Variants in RBMS3 observed in about 807,000 individuals in gnomAD.
RBMS3 encodes the protein RNA binding motif single stranded interacting protein 3.
A neutral mutation model predicts 66.8 loss-of-function variants in RBMS3; 27 were observed. The ratio of observed to expected loss-of-function variants is 0.40; its 90% CI spans 0.30 to 0.56. RBMS3 has a LOEUF of 0.56. Ranked by LOEUF, RBMS3 falls within the 20% of genes least tolerant of loss-of-function variation. The probability of loss-of-function intolerance (pLI) is 0.40; values close to 1 mark genes in which losing one functional copy is unlikely to be tolerated. For missense variants in RBMS3, 513 were observed against 549.5 expected, an observed-to-expected ratio of 0.93 and a Z score of 0.66; for synonymous variants, 188 against 183.0, an observed-to-expected ratio of 1.03 and a Z score of -0.22.
intron 1 of RBMS3, among the ~76,000 whole-genome samples, chr3:29,292,762 T>C (rs527936973): frequency 6.6e-6 from 1 of 151,766 alleles, no homozygotes; most frequent in African/African-American, 2.4e-5. Context: ...AAAGAGAAAA[T>C]GAACTAAAGA....
intron 1 of RBMS3, among the ~76,000 whole-genome samples, chr3:29,413,186 T>C (rs2040339845): frequency 6.6e-6 from 1 of 152,098 alleles, no homozygotes. Flanking sequence ...CTGGCCAACA[T>C]GGTGAAACCC....
intron 6 of RBMS3, among the ~76,000 whole-genome samples, chr3:29,812,148 C>T (rs140968410): frequency 8.3e-4 from 126 of 152,136 alleles, no homozygotes; most frequent in African/African-American, 2.9e-3. Flanking sequence ...GTCAGATGTC[C>T]TCCCCTCCCT....
chr3:29,797,372 T>C (rs947793582), intron 6 of RBMS3, among the ~76,000 whole-genome samples: 6 of 152,194 alleles, frequency 3.9e-5, no homozygotes, highest in African/African-American at 1.4e-4. Flanking sequence ...GTAGCCTTCA[T>C]AGAGTTGAAG....
chr3:29,789,792 T>A (rs11918844), intron 6 of RBMS3, among the ~76,000 whole-genome samples: 47,628 of 152,050 alleles, frequency 0.31, 8,272 homozygotes, highest in African/African-American at 0.46. Flanking sequence ...TTGTGCATCC[T>A]TAATTCGAAG....
chr3:29,331,571 T>C (rs2035655048), intron 1 of RBMS3, among the ~76,000 whole-genome samples: 1 of 152,160 alleles, frequency 6.6e-6, no homozygotes, highest in Non-Finnish European at 1.5e-5. Context: ...TCTCAGACCT[T>C]GCTTCCAGGA....
chr3:29,324,860 C>T lies in RBMS3; in HGVS notation c.75+43104C>T, dbSNP rs117496923. Among the ~76,000 whole-genome samples the T allele has an allele frequency of 6.6e-4, 100 of 152,082 alleles. No homozygotes were observed. The East Asian group carries it at 0.016, about 25-fold the overall frequency. On this transcript the variant is annotated intron_variant, in intron 1 of 14. Coordinates refer to ENST00000383767, the MANE Select transcript of RBMS3 (RefSeq NM_001003793.3). ...CTCTCCTTCCTCTCCTCTTCCTTTA[C>T]TCTCATTATTCCCTTTGTTTTCCTT...
intron 1 of RBMS3, among the ~76,000 whole-genome samples, chr3:29,378,390 T>C (rs2038589460): frequency 6.6e-6 from 1 of 151,332 alleles, no homozygotes; most frequent in Admixed American, 6.6e-5. Context: ...GAGAATGGCA[T>C]GAAACCCGGA....
intron 4 of RBMS3, among the ~76,000 whole-genome samples, chr3:29,669,083 G>T (rs1398513256): frequency 6.6e-6 from 1 of 152,182 alleles, no homozygotes; most frequent in Admixed American, 6.5e-5. Context: ...GGTGCCCCAC[G>T]CCCTCTGGGT....
intron 11 of RBMS3, among the ~76,000 whole-genome samples, chr3:29,937,947 T>G (rs1304674126): frequency 6.6e-6 from 1 of 151,924 alleles, no homozygotes; most frequent in Non-Finnish European, 1.5e-5. Flanking sequence ...ATAAGTGATG[T>G]AATGTAATTT....
At chr3:29,986,111 A>G (rs1203988096) in intron 12 of RBMS3, among the ~76,000 whole-genome samples, 1 of 152,210 alleles carries the variant, frequency 6.6e-6, no homozygotes, top group East Asian at 1.9e-4. Flanking sequence ...GAAATACTCA[A>G]ATAGGTAAGG....
At chr3:29,454,456 A>T (rs73828664) in intron 2 of RBMS3, among the ~76,000 whole-genome samples, 3,276 of 152,272 alleles carry the variant, frequency 0.022, 118 homozygotes, top group African/African-American at 0.075. Context: ...TCTCCCAGGG[A>T]AAGTTGAAGT....
rs1698842312 is a variant in RBMS3 at position 29,991,067 on chromosome 3, T to C, written c.1180-15T>C. The C allele has an allele frequency of 6.2e-7, 1 of 1,613,548 alleles. No homozygotes were observed. On this transcript the variant is annotated splice_polypyrimidine_tract_variant and intron_variant, in intron 13 of 14. Coordinates refer to ENST00000383767, the MANE Select transcript of RBMS3 (RefSeq NM_001003793.3). The stretch of plus-strand genomic sequence containing the variant: ...GAAGCAAGTAAGGCTTTTATGTTCT[T>C]ATTTGCCTCCTTAGGGTGTTGTTGC...
chr3:29,331,541 A>G (rs965659477), intron 1 of RBMS3, among the ~76,000 whole-genome samples: 7 of 152,046 alleles, frequency 4.6e-5, no homozygotes, highest in African/African-American at 1.7e-4. Context: ...TCTTTAATAA[A>G]TTTTACCCAC....
chr3:29,876,882 A>G (rs1394843568), intron 7 of RBMS3, among the ~76,000 whole-genome samples: 2 of 152,032 alleles, frequency 1.3e-5, no homozygotes. Flanking sequence ...TGATCATGAG[A>G]TTTCTATGGG....
At position 29,694,173 on chromosome 3, in the gene RBMS3, A is replaced by C. The variant is rs563907903; in HGVS notation, c.400-45547A>C. Among the ~76,000 whole-genome samples, 6 of 151,450 alleles carry C rather than the reference A, an allele frequency of 4.0e-5. No individual in the cohort carries two copies. In the East Asian group the frequency reaches 1.2e-3, roughly 30 times the overall value. ...TGTGTGTTGAGGGAAGGGGGTGTGC[A>C]AGGGGGTGGCCATGGCTACATTAGT... On this transcript the variant is annotated intron_variant, in intron 4 of 14. Transcript: ENST00000383767.
At chr3:29,648,642 G>A (rs900116629) in intron 4 of RBMS3, among the ~76,000 whole-genome samples, 2 of 152,036 alleles carry the variant, frequency 1.3e-5, no homozygotes, top group Non-Finnish European at 2.9e-5. Flanking sequence ...GGAAAGCAAG[G>A]AGATTCTTGA....
intron 1 of RBMS3, among the ~76,000 whole-genome samples, chr3:29,362,639 C>T (rs1476120029): frequency 6.6e-6 from 1 of 152,184 alleles, no homozygotes; most frequent in Non-Finnish European, 1.5e-5. Flanking sequence ...TAGACTGGAG[C>T]TGATCCTATT....
chr3:29,868,938 G>GGGA lies in RBMS3; in HGVS notation c.721_723dup (p.Arg241dup), dbSNP rs2059423972. ...GAATCAAAGCAAATATACCCAGAAT[G>GGGA]GGAGGCCTTGGCCCAGGGAAGGAGA... On this transcript the variant is annotated inframe_insertion, in exon 7 of 15. Coordinates refer to ENST00000383767, the MANE Select transcript of RBMS3 (RefSeq NM_001003793.3). The GGGA allele has an allele frequency of 3.7e-6, 6 of 1,600,108 alleles. No individual in the cohort carries two copies. The highest frequency in any genetic ancestry group is 5.1e-6 in the Non-Finnish European group (6 of 1,172,356).
At chr3:29,463,673 T>C (rs2042445278) in intron 2 of RBMS3, among the ~76,000 whole-genome samples, 1 of 149,768 alleles carries the variant, frequency 6.7e-6, no homozygotes, top group East Asian at 2.0e-4. Flanking sequence ...GAGGGCTCTA[T>C]AGCACTACTC....
Sources: gnomAD v4.1 joint callset for allele counts (sites outside exome capture counted in the v4.1 genomes callset) on GRCh38, gnomAD v4.1.1 for gene constraint, MANE v1.5 for transcripts, NCBI Gene and HGNC (gene_info 2026-07-23, HGNC 2026-07-21) for gene names.